Variants in RAB44 observed in about 807,000 individuals in gnomAD.
The protein encoded by RAB44 is ras-related protein Rab-44.
In RAB44, 67 loss-of-function variants were observed where a neutral mutation model predicts 93.3. That is an observed-to-expected ratio of 0.72 (90% CI 0.59 to 0.88). The LOEUF (loss-of-function observed/expected upper bound fraction) is 0.88, where lower values mean the gene tolerates loss of function less well. Ranked by LOEUF, RAB44 falls within the 40% of genes least tolerant of loss-of-function variation. The pLI is 0.00. For missense variants in RAB44, 1,064 were observed against 1,261.7 expected, an observed-to-expected ratio of 0.84 and a Z score of 2.37; for synonymous variants, 427 against 520.3, an observed-to-expected ratio of 0.82 and a Z score of 2.44.
chr6:36,714,884 G>A (rs1296843046), intron 3 of RAB44, among the ~76,000 whole-genome samples: 1 of 152,212 alleles, frequency 6.6e-6, no homozygotes, highest in Non-Finnish European at 1.5e-5. Flanking sequence ...CATCTTGCTA[G>A]CCTGGCTCCT....
intron 2 of RAB44, among the ~76,000 whole-genome samples, chr6:36,713,471 C>T (rs1040871220): frequency 2.0e-5 from 3 of 152,226 alleles, no homozygotes; most frequent in Non-Finnish European, 4.4e-5. Flanking sequence ...ATTGGGATTA[C>T]AGGCTTGAGC....
intron 1 of RAB44, among the ~76,000 whole-genome samples, chr6:36,703,227 A>G (rs970195638): frequency 1.5e-4 from 23 of 152,180 alleles, no homozygotes; most frequent in African/African-American, 4.8e-4. Flanking sequence ...CAATAATGGC[A>G]TTCATCCATT....
chr6:36,704,158 G>A, intron 1 of RAB44, 66 bp from the exon 2 acceptor site: 2 of 1,349,502 alleles, frequency 1.5e-6, no homozygotes, highest in Non-Finnish European at 2.0e-6. Context: ...AGCCAGGGGA[G>A]GGTTTTGAGC....
chr6:36,731,369 G>A lies in RAB44; in HGVS notation c.2975+620G>A, dbSNP rs891610248. ...ATCTGTTTTCTTGTTGTCCAGGAAG[G>A]CAGGGCCATGTCTGTTTTGTTCAGC... is the stretch of plus-strand genomic sequence containing the variant. On this transcript the variant is annotated intron_variant, in intron 13 of 13. Transcript: ENST00000612677. The surrounding 1 kb of genome is among the most constrained non-coding windows in gnomAD (Gnocchi z 4.0). Among the ~76,000 whole-genome samples the A allele has an allele frequency of 6.6e-6, 1 of 152,156 alleles. No homozygotes were observed. The highest frequency in any genetic ancestry group is 1.5e-5 in the Non-Finnish European group (1 of 68,026).
rs978324348 is a variant in RAB44 at position 36,722,011 on chromosome 6, C to T, written c.1877C>T (p.Pro626Leu). 1.1e-5 allele frequency: 13 copies of T among 1,234,284 alleles called. No homozygotes were observed. Among genetic ancestry groups the T allele is most frequent in the African/African-American group, 3.1e-5 (2 of 64,228 alleles). 76.5% of individuals were successfully genotyped at this position (1,234,284 alleles called of 1,614,324 possible). ...EPFQGLEFVG[P>L]VPTERLEQGQ... ...TTCCAGGGCCTGGAATTTGTGGGTC[C>T]GGTGCCCACAGAGAGGCTGGAGCAG... Residue 626 changes from proline (P) to leucine (L), a missense_variant, in exon 9 of 14, where the codon CCG becomes CTG. Physicochemically the swap from Pro to Leu is moderately conservative, Grantham distance 98. Coordinates refer to ENST00000612677, the MANE Select transcript of RAB44 (RefSeq NM_001257357.2).
At chr6:36,709,512 C>A (rs576561795) in intron 2 of RAB44, among the ~76,000 whole-genome samples, 1 of 152,282 alleles carries the variant, frequency 6.6e-6, no homozygotes, top group South Asian at 2.1e-4. Flanking sequence ...GTCGCTATAG[C>A]TCCTAGTAAA....
In RAB44 at chr6:36,731,544, G is replaced by A. The variant is rs180888656; in HGVS notation, c.2976-459G>A. Among the ~76,000 whole-genome samples, 30 of 152,170 alleles carry A rather than the reference G, an allele frequency of 2.0e-4. No homozygotes were observed. In the East Asian group the frequency reaches 5.6e-3, roughly 29 times the overall value. On this transcript the variant is annotated intron_variant, in intron 13 of 13. Transcript: ENST00000612677. This position sits in a 1 kb window ranked among gnomAD's most constrained non-coding sequence, Gnocchi z 4.0. ...CTTCTTTTGCTTCCCCAGCCTCCAA[G>A]CTCTCTCGGCACTGAGCCGCGCCAT...
At chr6:36,723,280 T>C (rs967414763) in intron 9 of RAB44, among the ~76,000 whole-genome samples, 1 of 152,206 alleles carries the variant, frequency 6.6e-6, no homozygotes, top group Admixed American at 6.5e-5. Flanking sequence ...CCCCAAATCC[T>C]CATCTGCATA....
At position 36,722,452 on chromosome 6, in the gene RAB44, C is replaced by T; in HGVS notation, c.2318C>T (p.Ala773Val). 3 of 1,441,896 alleles carry T rather than the reference C, an allele frequency of 2.1e-6. No individual in the cohort carries two copies. Among genetic ancestry groups the T allele is most frequent in the South Asian group, 1.5e-5 (1 of 66,724 alleles). The allele number at this position is 1,441,896 out of a possible 1,614,324, so 89.3% of individuals were successfully genotyped here. ...QTPPTMAEQE[A>V]QPRPSLTTAH... Reference sequence around the variant, plus strand: ...CCTCCCACCATGGCTGAGCAGGAAGCCCAACCCAGGCCATCCCTCACGACT... The same window carrying T: ...CCTCCCACCATGGCTGAGCAGGAAGTCCAACCCAGGCCATCCCTCACGACT... Residue 773 changes from alanine to valine, a missense_variant, in exon 9 of 14, where the codon GCC becomes GTC. Physicochemically the swap from Ala to Val is moderately conservative, Grantham distance 64. Coordinates refer to ENST00000612677, the MANE Select transcript of RAB44 (RefSeq NM_001257357.2).
intron 2 of RAB44, among the ~76,000 whole-genome samples, chr6:36,713,198 T>G (rs1481625382): frequency 1.3e-5 from 2 of 152,226 alleles, no homozygotes; most frequent in Non-Finnish European, 2.9e-5. Flanking sequence ...TTGACTTTTT[T>G]ATTTTTATTT....
Position 36,722,298 on chromosome 6 carries a change from T to C in RAB44, c.2164T>C (p.Ser722Pro). 7.6e-7 allele frequency: 1 copy of C among 1,308,340 alleles called. No individual in the cohort carries two copies. Among genetic ancestry groups the C allele is most frequent in the Non-Finnish European group, 9.7e-7 (1 of 1,030,740 alleles). 81.0% of individuals were successfully genotyped at this position (1,308,340 alleles called of 1,614,324 possible). A position where few individuals can be genotyped will look rare whatever the true frequency, so the allele number is the denominator to read the frequency against. The change falls in exon 9 of 14, where the codon TCT (serine) becomes CCT (proline). Residue 722 changes from serine to proline, a missense_variant. By Grantham distance (74) the Ser-to-Pro change is moderately conservative. Transcript: ENST00000612677. ...AGACTCTCTGCTTGTTTCTCTCCCA[T>C]CTGCCACACCACAGGCTCAGGTGGA... ...QQDSLLVSLP[S>P]ATPQAQVEAE... is the part of the protein sequence containing the mutation.
rs1763108816 is a variant in RAB44 at position 36,722,268 on chromosome 6, C to T, written c.2134C>T (p.Gln712Ter). The part of the protein sequence containing the change: ...GLETAHSELP[Q>*]QDSLLVSLPS... ...AGAAACTGCGCATTCGGAACTCCCCCAGCAAGACTCTCTGCTTGTTTCTCT... is the reference window on the plus strand; with the variant it reads ...AGAAACTGCGCATTCGGAACTCCCCTAGCAAGACTCTCTGCTTGTTTCTCT... Residue 712 changes from glutamine to a stop codon, truncating the protein, a stop_gained, in exon 9 of 14, where the codon CAG becomes TAG. Transcript: ENST00000612677. LOFTEE classifies it high-confidence loss of function. 1.5e-6 allele frequency: 2 copies of T among 1,290,448 alleles called. No individual in the cohort carries two copies. Among genetic ancestry groups the T allele is most frequent in the Non-Finnish European group, 2.0e-6 (2 of 1,020,858 alleles). 79.9% of individuals were successfully genotyped at this position (1,290,448 alleles called of 1,614,324 possible).
rs1312417999 is a variant in RAB44, at chr6:36,722,474, G to T, written c.2340G>T (p.Thr780=). Residue 780 remains threonine, a synonymous_variant, in exon 9 of 14, where the codon ACG becomes ACT. Transcript: ENST00000612677. ...EQEAQPRPSL[T]TAHAEEQGPP... ...AAGCCCAACCCAGGCCATCCCTCACGACTGCTCACGCAGAAGAACAAGGCC... is the reference window on the plus strand; with the variant it reads ...AAGCCCAACCCAGGCCATCCCTCACTACTGCTCACGCAGAAGAACAAGGCC... 12 of 1,468,270 alleles carry T rather than the reference G, an allele frequency of 8.2e-6. No individual in the cohort carries two copies. Among genetic ancestry groups the T allele is most frequent in the South Asian group, 1.4e-5 (1 of 71,222 alleles). The allele number at this position is 1,468,270 out of a possible 1,614,324, so 91.0% of individuals were successfully genotyped here. A position where few individuals can be genotyped will look rare whatever the true frequency, so the allele number is the denominator to read the frequency against.
Position 36,717,990 on chromosome 6 carries a change from C to T in RAB44, c.642-38C>T. 1 of 1,207,854 alleles carries T rather than the reference C, an allele frequency of 8.3e-7. No homozygotes were observed. The highest frequency in any genetic ancestry group is 1.0e-6 in the Non-Finnish European group (1 of 965,842). The allele number at this position is 1,207,854 out of a possible 1,614,324, so 74.8% of individuals were successfully genotyped here. ...TGCCAGCAGCAGGCTCCCAGAGGTG[C>T]TGATGGGCTGCCTGGCCCCAACTCC... On this transcript the variant is annotated intron_variant, in intron 5 of 13. Transcript: ENST00000612677. The surrounding 1 kb of genome is among the most constrained non-coding windows in gnomAD (Gnocchi z 4.1).
chr6:36,706,212 T>C (rs144751054), intron 2 of RAB44, among the ~76,000 whole-genome samples: 1 of 136,644 alleles, frequency 7.3e-6, no homozygotes, highest in East Asian at 2.1e-4. Context: ...GTTGGACTTT[T>C]AAAAATCTGT....
At chr6:36,707,754 CA>C (rs1207533050) in intron 2 of RAB44, among the ~76,000 whole-genome samples, 2 of 152,174 alleles carry the variant, frequency 1.3e-5, no homozygotes, top group African/African-American at 2.4e-5. Context: ...CTGTGGCCTG[CA>C]GCTTATAGCA....
intron 2 of RAB44, among the ~76,000 whole-genome samples, chr6:36,708,465 T>C (rs1762705260): frequency 6.6e-6 from 1 of 152,108 alleles, no homozygotes; most frequent in Non-Finnish European, 1.5e-5. Flanking sequence ...TTTTTCTAAA[T>C]TTAGGATCTG....
intron 9 of RAB44, among the ~76,000 whole-genome samples, chr6:36,723,728 G>A (rs367602964): frequency 5.3e-5 from 8 of 151,430 alleles, no homozygotes; most frequent in Non-Finnish European, 1.0e-4. Context: ...CCAGCTACTC[G>A]GGAGGCTGAG....
chr6:36,730,844 G>C, intron 13 of RAB44, 95 bp downstream of exon 13: 1 of 582,492 alleles, frequency 1.7e-6, no homozygotes, highest in Admixed American at 4.6e-5. Flanking sequence ...GGTGGGACAG[G>C]AAGGCCCATT....
Sources: gnomAD v4.1 joint callset for allele counts (sites outside exome capture counted in the v4.1 genomes callset) on GRCh38, gnomAD v4.1.1 for gene constraint, Gnocchi (gnomAD v3.1) non-coding constraint, MANE v1.5 for transcripts, NCBI Gene and HGNC (gene_info 2026-07-23, HGNC 2026-07-21) for gene names.